COL6A2: variants seen among roughly 807,000 people sequenced by gnomAD.
COL6A2 encodes the protein collagen alpha-2(VI) chain.
A neutral mutation model predicts 124.9 loss-of-function variants in COL6A2; 90 were observed. The ratio of observed to expected loss-of-function variants is 0.72; its 90% CI spans 0.61 to 0.86. The LOEUF (loss-of-function observed/expected upper bound fraction) is 0.86, where lower values mean the gene tolerates loss of function less well. Among genes scored for constraint, COL6A2 ranks in the 40% least tolerant of loss-of-function variants. The pLI is 0.00. For synonymous variants in COL6A2, 793 were observed against 618.2 expected, an observed-to-expected ratio of 1.28 and a Z score of -4.19; for missense variants, 1,607 against 1,502.5, an observed-to-expected ratio of 1.07 and a Z score of -1.15.
chr21:46,124,007 G>T (rs1442670920), intron 21 of COL6A2, among the ~76,000 whole-genome samples: 1 of 150,886 alleles, frequency 6.6e-6, no homozygotes, highest in Non-Finnish European at 1.5e-5. Flanking sequence ...GTGGATGGAT[G>T]GTTAGGTGAA....
chr21:46,118,290 C>T (rs1220961402), intron 12 of COL6A2, among the ~76,000 whole-genome samples: 2 of 152,146 alleles, frequency 1.3e-5, no homozygotes, highest in East Asian at 1.9e-4. Flanking sequence ...CCGCCCCTGG[C>T]GGCCCCAGGA....
rs377475457 is a variant in COL6A2, at chr21:46,132,619, G to T, written c.*67G>T. On this transcript the variant is annotated 3_prime_UTR_variant, in exon 28 of 28. Transcript: ENST00000300527. Reference sequence around the variant, plus strand: ...CCCGTCCATGGTGCTAAGCGGGCCCGGGTCCCACACGGCCAGCACCGCTGC... The same window carrying T: ...CCCGTCCATGGTGCTAAGCGGGCCCTGGTCCCACACGGCCAGCACCGCTGC... The T allele has an allele frequency of 1.4e-6, 2 of 1,446,970 alleles. No homozygotes were observed. The highest frequency in any genetic ancestry group is 1.9e-6 in the Non-Finnish European group (2 of 1,063,628). 89.6% of individuals were successfully genotyped at this position (1,446,970 alleles called of 1,614,324 possible).
In COL6A2 at chr21:46,128,900, C is replaced by T. The variant is rs2078716075; in HGVS notation, c.2461+2359C>T. On this transcript the variant is annotated intron_variant, in intron 27 of 27. Transcript: ENST00000300527. ...ACTGGAGTTTGGCCTGTCTCCGGCA[C>T]AGGTTTGGACGGAGCTGTTTTGTGC... 4 of 1,610,606 alleles carry T rather than the reference C, an allele frequency of 2.5e-6. No individual in the cohort carries two copies. The South Asian group carries it at 4.4e-5, about 18-fold the overall frequency.
In COL6A2 at chr21:46,116,406, G is replaced by A. The variant is rs748800242; in HGVS notation, c.927+3G>A. 6.2e-7 allele frequency: 1 copy of A among 1,612,954 alleles called. No homozygotes were observed. The highest frequency in any genetic ancestry group is 2.2e-5 in the East Asian group (1 of 44,872). ...TTCCTGGCTTCAAAGGAGAGAAGGT[G>A]AGGCTCTTGCCCTGACAGACCTCAG... is the stretch of plus-strand genomic sequence containing the variant. On this transcript the variant is annotated splice_donor_region_variant and intron_variant, in intron 8 of 27. Transcript: ENST00000300527. This position sits in a 1 kb window ranked among gnomAD's most constrained non-coding sequence, Gnocchi z 4.6.
At chr21:46,128,830 T>TGG (rs2078714901) in intron 27 of COL6A2, 2 of 1,271,680 alleles carry the variant, frequency 1.6e-6, no homozygotes, top group East Asian at 2.3e-5. Flanking sequence ...TCTTGAGGGG[T>TGG]GGCTGGGGTC....
intron 20 of COL6A2, 103 bp from the exon 21 acceptor site, chr21:46,122,772 G>T: frequency 8.0e-7 from 1 of 1,245,392 alleles, no homozygotes; most frequent in Non-Finnish European, 1.2e-6. Context: ...CCCGTTTAAA[G>T]GACCCCAAAA....
chr21:46,125,320 C>T lies in COL6A2; in HGVS notation c.1816+9C>T, dbSNP rs1456625954. 4 of 1,609,116 alleles carry T rather than the reference C, an allele frequency of 2.5e-6. No homozygotes were observed. Among genetic ancestry groups the T allele is most frequent in the Non-Finnish European group, 3.4e-6 (4 of 1,177,618 alleles). ...GACCTGCGGGTGCTGCGGTGAGGCA[C>T]TGCCCACGGCAGGGTCGGGGCCCAT... On this transcript the variant is annotated intron_variant, in intron 24 of 27. Coordinates refer to ENST00000300527, the MANE Select transcript of COL6A2 (RefSeq NM_001849.4).
chr21:46,119,832 T>C lies in COL6A2; in HGVS notation c.1314T>C (p.Asp438=), dbSNP rs1436788684. Residue 438 remains aspartate, a synonymous_variant, in exon 15 of 28, where the codon GAT becomes GAC. Coordinates refer to ENST00000300527, the MANE Select transcript of COL6A2 (RefSeq NM_001849.4). ...DPGTKGSPGS[D]GPKGEKGDPG... is the part of the protein sequence containing the mutation. The stretch of plus-strand genomic sequence containing the variant: ...GCACCAAGGGCAGCCCAGGCAGCGA[T>C]GGCCCCAAGGGGGAGAAGGTGAGTC... 3 of 1,561,596 alleles carry C rather than the reference T, an allele frequency of 1.9e-6. No homozygotes were observed. The highest frequency in any genetic ancestry group is 2.3e-5 in the East Asian group (1 of 42,762).
At chr21:46,122,052 C>T (rs2078574701) in intron 18 of COL6A2, 56 bp from the exon 19 acceptor site, 1 of 1,580,416 alleles carries the variant, frequency 6.3e-7, no homozygotes, top group Non-Finnish European at 8.7e-7. Flanking sequence ...TGAGCACAGC[C>T]CCCCAGCCCC....
At chr21:46,114,501 G>A (rs2078446099) in intron 5 of COL6A2, among the ~76,000 whole-genome samples, 1 of 151,860 alleles carries the variant, frequency 6.6e-6, no homozygotes, top group Non-Finnish European at 1.5e-5. Flanking sequence ...TTCTGTCCCT[G>A]GAGAAACTAA....
chr21:46,132,315 G>A lies in COL6A2; in HGVS notation c.2823G>A (p.Glu941=), dbSNP rs775546698. 5.0e-6 allele frequency: 8 copies of A among 1,607,198 alleles called. No individual in the cohort carries two copies. Among genetic ancestry groups the A allele is most frequent in the East Asian group, 2.2e-5 (1 of 44,864 alleles). ...GTGGCGGGGCCCGGAGGCACGCAGA[G>A]CTGTCCTTCGTGTTCCTCACGGACG... is the stretch of plus-strand genomic sequence containing the variant. ...SPRGGARRHA[E]LSFVFLTDGV... is the part of the protein sequence containing the mutation. Residue 941 remains glutamate, a synonymous_variant, in exon 28 of 28, where the codon GAG becomes GAA. Transcript: ENST00000300527.
chr21:46,100,018 T>C (rs2078272481), intron 1 of COL6A2, among the ~76,000 whole-genome samples: 4 of 151,608 alleles, frequency 2.6e-5, no homozygotes. Context: ...ACTGACCGTG[T>C]GTAGTGATGT....
At chr21:46,117,319 G>C in intron 10 of COL6A2, 81 bp from the exon 11 acceptor site, 4 of 1,399,850 alleles carry the variant, frequency 2.9e-6, no homozygotes, top group African/African-American at 1.4e-5. Flanking sequence ...GGGCAGAACC[G>C]GGTGGGCTGT....
intron 1 of COL6A2, among the ~76,000 whole-genome samples, chr21:46,109,939 C>G (rs2078376651): frequency 6.6e-6 from 1 of 152,198 alleles, no homozygotes; most frequent in Non-Finnish European, 1.5e-5. Flanking sequence ...AGCAGAAGGC[C>G]CAGATCCACA....
chr21:46,110,183 C>G (rs557403533), intron 1 of COL6A2, among the ~76,000 whole-genome samples: 159 of 152,288 alleles, frequency 1.0e-3, no homozygotes, highest in African/African-American at 3.7e-3. Context: ...TGGCAGCGGC[C>G]CCCAGGGAGG....
intron 1 of COL6A2, among the ~76,000 whole-genome samples, chr21:46,101,791 A>G (rs1396204096): frequency 2.7e-5 from 4 of 146,470 alleles, no homozygotes; most frequent in Non-Finnish European, 6.0e-5. Context: ...GCAGCTTTGT[A>G]GTAAGTTTTG....
chr21:46,121,276 C>T (rs962136466), intron 17 of COL6A2, among the ~76,000 whole-genome samples, 153 bp downstream of exon 17: 11 of 152,192 alleles, frequency 7.2e-5, no homozygotes, highest in African/African-American at 1.9e-4. Flanking sequence ...CCCTAGACCC[C>T]GAGTACCTCA....
rs1568938634 is a variant in COL6A2, at chr21:46,124,868, C to T, written c.1735-17C>T. 4 of 1,612,922 alleles carry T rather than the reference C, an allele frequency of 2.5e-6. No homozygotes were observed. Among genetic ancestry groups the T allele is most frequent in the Non-Finnish European group, 3.4e-6 (4 of 1,179,966 alleles). On this transcript the variant is annotated splice_polypyrimidine_tract_variant and intron_variant, in intron 22 of 27. Coordinates refer to ENST00000300527, the MANE Select transcript of COL6A2 (RefSeq NM_001849.4). ...AGCCTTGGCCCCAGAGTCTCAGCCT[C>T]ATCCTTCCTTCCCCAGGGTGAGCCC...
rs1270122764 is a variant in COL6A2 at position 46,111,980 on chromosome 21, G to A, written c.117G>A (p.Glu39=). Residue 39 remains glutamate, a splice_region_variant and synonymous_variant, in exon 3 of 28, where the codon GAG becomes GAA. Transcript: ENST00000300527. ...CGTGACAGGTCCTGTGCCCCACAGA[G>A]AAGACCGACTGCCCCATCCACGTGT... ...DTTERNNNCP[E]KTDCPIHVYF... The A allele has an allele frequency of 6.2e-7, 1 of 1,611,318 alleles. No homozygotes were observed. The highest frequency in any genetic ancestry group is 8.5e-7 in the Non-Finnish European group (1 of 1,179,962).
Sources: gnomAD v4.1 joint callset for allele counts (sites outside exome capture counted in the v4.1 genomes callset) on GRCh38, gnomAD v4.1.1 for gene constraint, Gnocchi (gnomAD v3.1) non-coding constraint, MANE v1.5 for transcripts, NCBI Gene and HGNC (gene_info 2026-07-23, HGNC 2026-07-21) for gene names.